The following HMCN1 variants were observed in gnomAD, a reference collection of about 807,000 sequenced individuals.
The protein encoded by HMCN1 is hemicentin-1.
A neutral mutation model predicts 625.9 loss-of-function variants in HMCN1; 321 were observed. The observed-to-expected ratio is 0.51, with a 90% CI of 0.47 to 0.56. The LOEUF is 0.56. HMCN1 is among the 20% of genes least tolerant of loss of function. The pLI is 0.00. For missense variants in HMCN1, 6,588 were observed against 6,887.3 expected, an observed-to-expected ratio of 0.96 and a Z score of 1.54; for synonymous variants, 2,425 against 2,417.6, an observed-to-expected ratio of 1.00 and a Z score of -0.09.
chr1:186,020,959 A>G (rs1211765963), intron 35 of HMCN1, among the ~76,000 whole-genome samples: 8 of 152,122 alleles, frequency 5.3e-5, no homozygotes, highest in Non-Finnish European at 8.8e-5. Context: ...AAGAGTTTTA[A>G]GAGAGGAGTA....
At chr1:185,764,188 A>G (rs1440847222) in intron 1 of HMCN1, among the ~76,000 whole-genome samples, 1 of 152,196 alleles carries the variant, frequency 6.6e-6, no homozygotes, top group African/African-American at 2.4e-5. Context: ...TTTTGAGAAG[A>G]GAAGCCTATG....
intron 4 of HMCN1, among the ~76,000 whole-genome samples, chr1:185,874,367 A>T (rs1663806315): frequency 6.6e-6 from 1 of 152,036 alleles, no homozygotes; most frequent in Non-Finnish European, 1.5e-5. Context: ...CAAAGGGGAG[A>T]TGAAAGAGTT....
intron 46 of HMCN1, among the ~76,000 whole-genome samples, chr1:186,060,632 G>C (rs1320433703): frequency 6.6e-6 from 1 of 152,156 alleles, no homozygotes; most frequent in Non-Finnish European, 1.5e-5. Context: ...AGCAAAAGCA[G>C]TGTATCACTA....
In HMCN1 at chr1:186,108,441, G is replaced by T; in HGVS notation, c.10853-20G>T. The T allele has an allele frequency of 6.2e-7, 1 of 1,613,870 alleles. No individual in the cohort carries two copies. The highest frequency in any genetic ancestry group is 8.5e-7 in the Non-Finnish European group (1 of 1,179,938). On this transcript the variant is annotated intron_variant, in intron 70 of 106. Transcript: ENST00000271588. ...TATGATAATACAGATTGCTTTTGTT[G>T]TATTTGTTCTCACACCCAGTACCTC...
chr1:185,798,983 T>C (rs925903122), intron 1 of HMCN1, among the ~76,000 whole-genome samples: 2 of 152,238 alleles, frequency 1.3e-5, no homozygotes, highest in African/African-American at 4.8e-5. Flanking sequence ...TGGTTCCTAA[T>C]CATATGCATA....
intron 68 of HMCN1, among the ~76,000 whole-genome samples, chr1:186,098,071 A>C: frequency 6.6e-6 from 1 of 152,168 alleles, no homozygotes; most frequent in East Asian, 1.9e-4. Flanking sequence ...TTAAAGAGTT[A>C]AATGTAAGAT....
chr1:185,970,211 C>A, intron 14 of HMCN1, 124 bp from the exon 15 acceptor site: 1 of 872,944 alleles, frequency 1.1e-6, no homozygotes, highest in Non-Finnish European at 1.9e-6. Flanking sequence ...CTATGTTGTG[C>A]CAAACACTTG....
intron 15 of HMCN1, among the ~76,000 whole-genome samples, chr1:185,971,054 G>A (rs1389262112): frequency 1.3e-5 from 2 of 152,160 alleles, no homozygotes; most frequent in Non-Finnish European, 2.9e-5. Context: ...GGCTTATAAA[G>A]GCTAAGCAAC....
intron 11 of HMCN1, among the ~76,000 whole-genome samples, chr1:185,938,119 G>A (rs2102505318): frequency 6.6e-6 from 1 of 152,044 alleles, no homozygotes; most frequent in Non-Finnish European, 1.5e-5. Flanking sequence ...GATTTTTTAA[G>A]TGGAAATTAG....
intron 1 of HMCN1, among the ~76,000 whole-genome samples, chr1:185,791,427 A>G (rs774688526): frequency 6.6e-6 from 1 of 152,184 alleles, no homozygotes; most frequent in Non-Finnish European, 1.5e-5. Flanking sequence ...TTCTACTTAC[A>G]TAAAAAATTT....
At chr1:185,884,376 C>T (rs73054473) in intron 4 of HMCN1, among the ~76,000 whole-genome samples, 4,645 of 151,982 alleles carry the variant, frequency 0.031, 258 homozygotes, top group African/African-American at 0.11. Flanking sequence ...GATATCTGGA[C>T]GCTCTTGTCT....
At chr1:185,917,863 G>A (rs1666799728) in intron 6 of HMCN1, among the ~76,000 whole-genome samples, 1 of 152,142 alleles carries the variant, frequency 6.6e-6, no homozygotes, top group Admixed American at 6.5e-5. Flanking sequence ...TCTCCATGGT[G>A]CTTGTTCAAT....
chr1:186,139,302 C>T (rs1250324343), intron 89 of HMCN1, among the ~76,000 whole-genome samples: 2 of 152,144 alleles, frequency 1.3e-5, no homozygotes, highest in Non-Finnish European at 2.9e-5. Flanking sequence ...GATTACATTA[C>T]AAAAACTAAG....
At chr1:186,010,571 T>C (rs1289706807) in intron 30 of HMCN1, among the ~76,000 whole-genome samples, 1 of 152,202 alleles carries the variant, frequency 6.6e-6, no homozygotes, top group African/African-American at 2.4e-5. Context: ...TAATATATTA[T>C]CCAAGTGGTT....
intron 1 of HMCN1, among the ~76,000 whole-genome samples, chr1:185,792,887 T>C (rs1485621551): frequency 6.6e-6 from 1 of 152,206 alleles, no homozygotes; most frequent in Non-Finnish European, 1.5e-5. Context: ...GGGTGATTAT[T>C]AATATATTGT....
chr1:185,931,868 A>G (rs1667569509), intron 10 of HMCN1, among the ~76,000 whole-genome samples: 1 of 152,222 alleles, frequency 6.6e-6, no homozygotes, highest in African/African-American at 2.4e-5. Context: ...TTTTTCAGAT[A>G]GAAAAACTGA....
chr1:185,739,728 G>A (rs1454385100), intron 1 of HMCN1, among the ~76,000 whole-genome samples: 1 of 152,102 alleles, frequency 6.6e-6, no homozygotes, highest in Non-Finnish European at 1.5e-5. Context: ...TTCTATTGCA[G>A]GGGTGGGGAG....
At chr1:186,133,038 TCATTGTTGGA>T (rs1662028956) in intron 86 of HMCN1, among the ~76,000 whole-genome samples, 1 of 152,328 alleles carries the variant, frequency 6.6e-6, no homozygotes, top group South Asian at 2.1e-4. Context: ...ATCCAGTCTA[TCATTGTTGGA>T]CATTTGGGTT....
chr1:186,004,043 G>A (rs1190183968), intron 29 of HMCN1, among the ~76,000 whole-genome samples, 199 bp downstream of exon 29: 2 of 152,106 alleles, frequency 1.3e-5, no homozygotes, highest in Non-Finnish European at 2.9e-5. Flanking sequence ...AGCTCCCTAT[G>A]AATGTTGGGA....
Sources: gnomAD v4.1 joint callset for allele counts (sites outside exome capture counted in the v4.1 genomes callset) on GRCh38, gnomAD v4.1.1 for gene constraint, MANE v1.5 for transcripts, NCBI Gene and HGNC (gene_info 2026-07-23, HGNC 2026-07-21) for gene names.